Variants in TECPR2 observed in about 807,000 individuals in gnomAD.
TECPR2 encodes tectonin beta-propeller repeat containing 2.
A neutral mutation model predicts 138.1 loss-of-function variants in TECPR2; 65 were observed. The ratio of observed to expected loss-of-function variants is 0.47; its 90% CI spans 0.39 to 0.58. The LOEUF (loss-of-function observed/expected upper bound fraction) is 0.58. Among genes scored for constraint, TECPR2 ranks in the 20% least tolerant of loss-of-function variants. The pLI is 0.00. For missense variants in TECPR2, 1,553 were observed against 1,824.5 expected (o/e 0.85, Z 2.71); for synonymous variants, 746 against 749.8 (o/e 0.99, Z 0.08).
At chr14:102,488,990 C>A (rs1253037659) in intron 17 of TECPR2, among the ~76,000 whole-genome samples, 1 of 151,926 alleles carries the variant, frequency 6.6e-6, no homozygotes, top group African/African-American at 2.4e-5. Context: ...TCAAGTGATT[C>A]TCCTGCCTCA....
chr14:102,450,243 G>GCT (rs1479237047), intron 14 of TECPR2, among the ~76,000 whole-genome samples: 4 of 152,132 alleles, frequency 2.6e-5, no homozygotes, highest in African/African-American at 9.7e-5. Flanking sequence ...GAAATGCAAG[G>GCT]CTCTGGCCAG....
chr14:102,425,281 CA>C lies in TECPR2; in HGVS notation c.942del (p.Val315SerfsTer28). 6.3e-7 allele frequency: 1 copy of C among 1,584,908 alleles called. No homozygotes were observed. Among genetic ancestry groups the C allele is most frequent in the South Asian group, 1.1e-5 (1 of 87,108 alleles). On this transcript the variant is annotated frameshift_variant, in exon 6 of 20. Transcript: ENST00000359520. LOFTEE classifies it high-confidence loss of function. ...WNEYSIYLLD[T>X]VNQATVAGLE... ...GAATATAGTATCTATCTCCTAGACA[CA>C]GTCAACCAGGTAAGTGAAGGGACGC...
At chr14:102,422,741 CA>C (rs1271569594) in intron 5 of TECPR2, among the ~76,000 whole-genome samples, 1 of 152,146 alleles carries the variant, frequency 6.6e-6, no homozygotes, top group Non-Finnish European at 1.5e-5. Flanking sequence ...GTGTTAGGAG[CA>C]CAGGAGAACA....
intron 2 of TECPR2, among the ~76,000 whole-genome samples, chr14:102,379,633 G>C (rs564026718): frequency 6.8e-6 from 1 of 148,108 alleles, no homozygotes; most frequent in East Asian, 2.0e-4. Context: ...AGGCACCCTA[G>C]TCACACTGCT....
intron 7 of TECPR2, among the ~76,000 whole-genome samples, chr14:102,430,644 C>G (rs560965470): frequency 6.6e-6 from 1 of 152,184 alleles, no homozygotes; most frequent in Non-Finnish European, 1.5e-5. Flanking sequence ...ACTGCTCTGG[C>G]CTTGTGCCCT....
chr14:102,395,210 G>A (rs1472819136), intron 2 of TECPR2, among the ~76,000 whole-genome samples: 3 of 152,158 alleles, frequency 2.0e-5, no homozygotes, highest in African/African-American at 7.2e-5. Context: ...ATGTGCAACA[G>A]CTAAGCTTTA....
intron 2 of TECPR2, among the ~76,000 whole-genome samples, chr14:102,385,980 C>A (rs775640712): frequency 2.6e-5 from 4 of 151,932 alleles, no homozygotes; most frequent in Non-Finnish European, 5.9e-5. Flanking sequence ...ATGTATTTCA[C>A]CCATACATGC....
At position 102,477,712 on chromosome 14, in the gene TECPR2, G is replaced by A. The variant is rs1294807908; in HGVS notation, c.3789+12423G>A. ...ACTACAGGCGCCCGCCACCATGCCC[G>A]GCAAATTTTTTTTTTTTTTTTGTAT... On this transcript the variant is annotated intron_variant, in intron 17 of 19. Coordinates refer to ENST00000359520, the MANE Select transcript of TECPR2 (RefSeq NM_014844.5). Among the ~76,000 whole-genome samples, 19 of 127,608 alleles carry A rather than the reference G, an allele frequency of 1.5e-4. No homozygotes were observed. The East Asian group carries it at 4.5e-3, about 30-fold the overall frequency. The allele number at this position is 127,608 out of a possible 152,430, so 83.7% of individuals were successfully genotyped here. A position where few individuals can be genotyped will look rare whatever the true frequency, so the allele number is the denominator to read the frequency against.
chr14:102,389,259 G>A (rs1888102453), intron 2 of TECPR2, among the ~76,000 whole-genome samples: 1 of 152,212 alleles, frequency 6.6e-6, no homozygotes, highest in South Asian at 2.1e-4. Context: ...CTGGGAGGCA[G>A]AGGTTGCAGT....
At chr14:102,478,150 A>C (rs989819947) in intron 17 of TECPR2, among the ~76,000 whole-genome samples, 30 of 151,844 alleles carry the variant, frequency 2.0e-4, no homozygotes, top group Middle Eastern at 3.4e-3. Flanking sequence ...GGGTCAAGCC[A>C]TCCTCCCACC....
At chr14:102,413,531 A>G (rs1167247688) in intron 4 of TECPR2, among the ~76,000 whole-genome samples, 1 of 151,752 alleles carries the variant, frequency 6.6e-6, no homozygotes, top group Non-Finnish European at 1.5e-5. Flanking sequence ...GGCATGTGCC[A>G]CCTCGCCCAG....
chr14:102,428,435 T>C, intron 7 of TECPR2, 53 bp downstream of exon 7: 1 of 1,594,304 alleles, frequency 6.3e-7, no homozygotes, highest in Non-Finnish European at 8.5e-7. Context: ...TACTATACTC[T>C]GTTGTTTGTA....
At position 102,450,453 on chromosome 14, in the gene TECPR2, A is replaced by G. The variant is rs1890108785; in HGVS notation, c.3317-107A>G. 9.7e-6 allele frequency: 10 copies of G among 1,029,468 alleles called. No homozygotes were observed. In the South Asian group the frequency reaches 1.3e-4, roughly 13 times the overall value. 63.8% of individuals were successfully genotyped at this position (1,029,468 alleles called of 1,614,324 possible). ...CTTTATTTAGGGACACTCTAGAATT[A>G]TCTGGAGAAAGGGTTTGAAGGCCAG... On this transcript the variant is annotated intron_variant, in intron 14 of 19. Transcript: ENST00000359520.
chr14:102,480,374 A>AC (rs1437034022), intron 17 of TECPR2, among the ~76,000 whole-genome samples: 1 of 151,918 alleles, frequency 6.6e-6, no homozygotes, highest in Non-Finnish European at 1.5e-5. Context: ...ACAGGCGCCC[A>AC]CCACCACACC....
At chr14:102,418,591 C>T (rs1889091383) in intron 5 of TECPR2, among the ~76,000 whole-genome samples, 1 of 149,638 alleles carries the variant, frequency 6.7e-6, no homozygotes, top group Admixed American at 6.6e-5. Context: ...GGGGAGCCCC[C>T]TCCCGTCGGC....
At chr14:102,394,118 A>T (rs569363954) in intron 2 of TECPR2, among the ~76,000 whole-genome samples, 1 of 152,114 alleles carries the variant, frequency 6.6e-6, no homozygotes, top group Non-Finnish European at 1.5e-5. Context: ...CATTCATCTC[A>T]TGTTACCCAA....
In TECPR2 at chr14:102,431,436, A is replaced by G. The variant is rs557614818; in HGVS notation, c.1085-360A>G. On this transcript the variant is annotated intron_variant, in intron 7 of 19. Transcript: ENST00000359520. ...CGGCTCACTGCAAGCTTTGCCTCCC[A>G]GGTTCACACCATTCTCCTGCCTCAG... 8.7e-4 allele frequency among the ~76,000 whole-genome samples: 125 copies of G among 143,344 alleles called. 1 individual carries two copies. Among genetic ancestry groups the G allele is most frequent in the Non-Finnish European group, 1.5e-3 (99 of 66,802 alleles). 94.0% of individuals were successfully genotyped at this position (143,344 alleles called of 152,430 possible). A position where few individuals can be genotyped will look rare whatever the true frequency, so the allele number is the denominator to read the frequency against.
intron 2 of TECPR2, among the ~76,000 whole-genome samples, chr14:102,377,256 A>G (rs184706142): frequency 6.6e-6 from 1 of 152,282 alleles, no homozygotes; most frequent in Non-Finnish European, 1.5e-5. Flanking sequence ...CCTGGGGTCA[A>G]GTGATCCTTT....
intron 1 of TECPR2, among the ~76,000 whole-genome samples, chr14:102,371,635 A>G (rs1449744686): frequency 6.6e-6 from 1 of 152,226 alleles, no homozygotes; most frequent in Non-Finnish European, 1.5e-5. Flanking sequence ...ATAAATTGAT[A>G]TGAACATTCT....
Sources: allele counts gnomAD v4.1 joint callset (sites outside exome capture counted in the v4.1 genomes callset), GRCh38; gene constraint gnomAD v4.1.1; transcripts MANE v1.5; gene names NCBI Gene and HGNC (gene_info 2026-07-23, HGNC 2026-07-21).